ZNF578: variants seen among roughly 807,000 people sequenced by gnomAD.
ZNF578 encodes Putative chemokine-related protein B42.
ZNF578 carries 8 observed loss-of-function variants against 8.3 expected under a neutral mutation model. The observed-to-expected ratio is 0.96, with a 90% CI of 0.56 to 1.74. The LOEUF (loss-of-function observed/expected upper bound fraction) is 1.74. Ranked by LOEUF, ZNF578 falls within the 40% of genes most tolerant of loss-of-function variation. ZNF578 has a pLI of 0.00. For missense variants in ZNF578, 726 were observed against 707.5 expected (o/e 1.03, Z -0.30); for synonymous variants, 206 against 232.2 (o/e 0.89, Z 1.03).
intron 2 of ZNF578, among the ~76,000 whole-genome samples, chr19:52,466,030 G>A (rs1233723299): frequency 6.6e-6 from 1 of 152,206 alleles, no homozygotes; most frequent in East Asian, 1.9e-4. Flanking sequence ...GGGCCACGGG[G>A]CCAGATTCAA....
chr19:52,489,593 A>T (rs1244603728), intron 2 of ZNF578, among the ~76,000 whole-genome samples: 1 of 152,142 alleles, frequency 6.6e-6, no homozygotes, highest in African/African-American at 2.4e-5. Context: ...CGTCTCAAAA[A>T]TTAAATAAAT....
At chr19:52,505,920 CAG>C (rs199889357) in intron 5 of ZNF578, among the ~76,000 whole-genome samples, 2,219 of 150,574 alleles carry the variant, frequency 0.015, 57 homozygotes, top group African/African-American at 0.049. Context: ...TTTTTTGAGT[CAG>C]AGTCTCACTC....
chr19:52,494,993 A>G (rs549511182), intron 3 of ZNF578, among the ~76,000 whole-genome samples: 3 of 146,080 alleles, frequency 2.1e-5, no homozygotes, highest in African/African-American at 7.4e-5. Context: ...CACCAAGCCC[A>G]GCTAGTTGTT....
At chr19:52,504,903 G>GTTT in intron 5 of ZNF578, 122 bp downstream of exon 5, 1 of 1,482,318 alleles carries the variant, frequency 6.7e-7, no homozygotes, top group Non-Finnish European at 9.0e-7. Context: ...TTGTTTGTTT[G>GTTT]GTTTGAGATG....
chr19:52,475,221 A>G (rs1475699426), intron 2 of ZNF578: 9 of 223,584 alleles, frequency 4.0e-5, no homozygotes, highest in South Asian at 7.8e-5. Context: ...TGCTCATTAC[A>G]TTCATAAGAT....
In ZNF578 at chr19:52,501,860, A is replaced by G. The variant is rs368351411; in HGVS notation, c.15A>G (p.Glu5=). 3.4e-5 allele frequency: 55 copies of G among 1,613,730 alleles called. No individual in the cohort carries two copies. The Admixed American group carries it at 3.8e-4, about 11-fold the overall frequency. The change falls in exon 4 of 6, where the codon GAA becomes GAG. Residue 5 remains glutamate (E), a synonymous_variant. Coordinates refer to ENST00000421239, the MANE Select transcript of ZNF578 (RefSeq NM_001099694.2). MLHE[E]AAQKRKGKEP... ...TCTAAAGACTCATGTTACATGAGGA[A>G]GCAGCTCAGAAGAGGAAAGGAAAGG...
chr19:52,477,312 C>A (rs969711236), intron 2 of ZNF578, among the ~76,000 whole-genome samples: 2 of 152,218 alleles, frequency 1.3e-5, no homozygotes, highest in East Asian at 3.9e-4. Context: ...GGGACCCACC[C>A]CTGAAGTGTG....
intron 2 of ZNF578, among the ~76,000 whole-genome samples, chr19:52,459,329 C>T (rs749228477): frequency 1.4e-4 from 21 of 152,106 alleles, no homozygotes; most frequent in Non-Finnish European, 2.5e-4. Context: ...TAGTATCCCA[C>T]GTGAGTGGAA....
intron 3 of ZNF578, among the ~76,000 whole-genome samples, chr19:52,497,338 C>T (rs112787666): frequency 0.017 from 2,525 of 152,234 alleles, 66 homozygotes; most frequent in African/African-American, 0.056. Flanking sequence ...CTTCATGATC[C>T]GCCCACCTTG....
intron 2 of ZNF578, among the ~76,000 whole-genome samples, chr19:52,469,129 A>G (rs1057310957): frequency 1.3e-5 from 2 of 149,978 alleles, no homozygotes; most frequent in Admixed American, 1.3e-4. Flanking sequence ...GAGAACCCTG[A>G]CTAATACAGA....
At chr19:52,463,521 A>G (rs1229190570) in intron 2 of ZNF578, among the ~76,000 whole-genome samples, 1 of 148,560 alleles carries the variant, frequency 6.7e-6, no homozygotes, top group African/African-American at 2.5e-5. Flanking sequence ...GATTAGCCTT[A>G]GTCAAGGGTC....
rs1283473589 is a variant in ZNF578 at position 52,513,457 on chromosome 19, G to A, written c.*1303G>A. ...TTTTAAAAGGGATATCAGGCTGGGT[G>A]TGGCAGCTCACGCCGGTAATCCCAG... On this transcript the variant is annotated 3_prime_UTR_variant, in exon 6 of 6. Coordinates refer to ENST00000421239, the MANE Select transcript of ZNF578 (RefSeq NM_001099694.2). Among the ~76,000 whole-genome samples the A allele has an allele frequency of 6.7e-6, 1 of 150,254 alleles. No individual in the cohort carries two copies. The highest frequency in any genetic ancestry group is 1.5e-5 in the Non-Finnish European group (1 of 67,806).
chr19:52,496,537 G>T (rs8102752), intron 3 of ZNF578, among the ~76,000 whole-genome samples: 10,390 of 114,236 alleles, frequency 0.091, 1,608 homozygotes, highest in Non-Finnish European at 0.11. Flanking sequence ...CACCATGTTA[G>T]CCAGGATGGT....
intron 2 of ZNF578, chr19:52,458,575 A>G (rs1169055880): frequency 6.6e-6 from 1 of 150,434 alleles, no homozygotes; most frequent in Non-Finnish European, 1.5e-5. Flanking sequence ...ACATGTATAT[A>G]CAAAATGAAT....
chr19:52,473,010 A>G (rs1328538388), intron 2 of ZNF578, among the ~76,000 whole-genome samples: 1 of 152,234 alleles, frequency 6.6e-6, no homozygotes, highest in South Asian at 2.1e-4. Flanking sequence ...TATTTCTTGC[A>G]TAAGTCTTCT....
chr19:52,467,305 A>G (rs2059278349), intron 2 of ZNF578, among the ~76,000 whole-genome samples: 1 of 152,122 alleles, frequency 6.6e-6, no homozygotes, highest in African/African-American at 2.4e-5. Flanking sequence ...ATGAACCACC[A>G]CACCTCAATT....
chr19:52,494,337 G>GA (rs927191014), intron 3 of ZNF578, among the ~76,000 whole-genome samples: 1 of 151,178 alleles, frequency 6.6e-6, no homozygotes, highest in Non-Finnish European at 1.5e-5. Flanking sequence ...AAAAAAAAAA[G>GA]AAAAAAAAAT....
chr19:52,480,120 A>G (rs983491503), intron 2 of ZNF578, among the ~76,000 whole-genome samples: 1 of 152,160 alleles, frequency 6.6e-6, no homozygotes, highest in East Asian at 1.9e-4. Context: ...CGTGTTAGCC[A>G]GGATGGTCTT....
intron 2 of ZNF578, chr19:52,474,801 A>C (rs1673902): frequency 0.9 from 182,810 of 202,664 alleles, 83,248 homozygotes; most frequent in Non-Finnish European, 0.96. Flanking sequence ...CACATTCATT[A>C]TGTTTCTGAG....
Sources: allele counts gnomAD v4.1 joint callset (sites outside exome capture counted in the v4.1 genomes callset), GRCh38; gene constraint gnomAD v4.1.1; transcripts MANE v1.5; gene names NCBI Gene and HGNC (gene_info 2026-07-23, HGNC 2026-07-21).